The following ACADVL variants were observed in gnomAD, a reference collection of about 807,000 sequenced individuals.
ACADVL encodes the protein very long-chain acyl-CoA dehydrogenase, mitochondrial.
Under a neutral mutation model 80.4 loss-of-function variants are expected in ACADVL, and 73 were observed. The observed-to-expected ratio is 0.91, with a 90% confidence interval of 0.75 to 1.10. ACADVL has a LOEUF of 1.10. Among genes scored for constraint, ACADVL ranks in the 50% least tolerant of loss-of-function variants. The pLI is 0.00. For missense variants in ACADVL, 878 were observed against 858.9 expected, an observed-to-expected ratio of 1.02 and a Z score of -0.28; for synonymous variants, 392 against 326.5, an observed-to-expected ratio of 1.20 and a Z score of -2.16.
intron 9 of ACADVL, 164 bp downstream of exon 9, chr17:7,222,466 C>G (rs1341993415): frequency 3.9e-5 from 49 of 1,242,908 alleles, no homozygotes; most frequent in Non-Finnish European, 5.2e-5. Flanking sequence ...AAAGTTTTGG[C>G]TCCAGCAACC....
intron 10 of ACADVL, 46 bp downstream of exon 10, chr17:7,222,911 A>C: frequency 2.3e-4 from 369 of 1,591,964 alleles, no homozygotes; most frequent in Non-Finnish European, 2.9e-4. Flanking sequence ...CAGAAGTCTC[A>C]CTGTCCCCCT....
In ACADVL at chr17:7,224,002, G is replaced by GC. The variant is rs1175359422; in HGVS notation, c.1368dup (p.Ile457HisfsTer6). 7.4e-6 allele frequency: 12 copies of GC among 1,613,666 alleles called. No homozygotes were observed. The highest frequency in any genetic ancestry group is 1.0e-5 in the Non-Finnish European group (12 of 1,179,930). ...GTAGAGCGTGTGCTCCGAGATCTTC[G>GC]CATCTTCCGGATCTTTGAGGGGACA... On this transcript the variant is annotated frameshift_variant, in exon 14 of 20. Coordinates refer to ENST00000356839, the MANE Select transcript of ACADVL (RefSeq NM_000018.4). LOFTEE classifies it high-confidence loss of function.
intron 10 of ACADVL, 105 bp downstream of exon 10, chr17:7,222,970 C>T (rs2071303709): frequency 6.7e-7 from 1 of 1,486,538 alleles, no homozygotes; most frequent in East Asian, 2.3e-5. Flanking sequence ...CTAGAAACTC[C>T]TCCCCTACCA....
chr17:7,219,936 C>G, upstream of ACADVL: 1 of 1,578,412 alleles, frequency 6.3e-7, no homozygotes, highest in South Asian at 1.1e-5. Flanking sequence ...GTGCAGGACG[C>G]CAGAGCTGGG....
Position 7,225,263 on chromosome 17 carries a change from G to A in ACADVL, c.*166G>A, listed in dbSNP as rs2071422091. 2 of 920,348 alleles carry A rather than the reference G, an allele frequency of 2.2e-6. No individual in the cohort carries two copies. The highest frequency in any genetic ancestry group is 3.2e-5 in the South Asian group (2 of 62,372). The allele number at this position is 920,348 out of a possible 1,614,324, so 57.0% of individuals were successfully genotyped here. A position where few individuals can be genotyped will look rare whatever the true frequency, so the allele number is the denominator to read the frequency against. Reference sequence around the variant, plus strand: ...CGCAAATAATAAAAATTTCTAGCCAGTCATGCTTTGCTCCTGTGTGACGGT... The same window carrying A: ...CGCAAATAATAAAAATTTCTAGCCAATCATGCTTTGCTCCTGTGTGACGGT... On this transcript the variant is annotated 3_prime_UTR_variant, in exon 20 of 20. Transcript: ENST00000356839.
At chr17:7,221,200 C>G in intron 6 of ACADVL, 142 bp downstream of exon 6, 1 of 1,378,144 alleles carries the variant, frequency 7.3e-7, no homozygotes. Flanking sequence ...TGTTAACTGT[C>G]CAAACATAAC....
At position 7,223,209 on chromosome 17, in the gene ACADVL, G is replaced by T; in HGVS notation, c.1154G>T (p.Arg385Leu). 6.2e-7 allele frequency: 1 copy of T among 1,613,992 alleles called. No homozygotes were observed. The highest frequency in any genetic ancestry group is 8.5e-7 in the Non-Finnish European group (1 of 1,179,880). Residue 385 changes from arginine (R) to leucine (L), a missense_variant, in exon 11 of 20, where the codon CGG becomes CTG. Coordinates refer to ENST00000356839, the MANE Select transcript of ACADVL (RefSeq NM_000018.4). ...GGGCTGATCCAGGAGAAGCTGGCAC[G>T]GATGGTTATGCTGCAGTATGTAACT... Reference protein sequence around the residue: ...NFGLIQEKLARMVMLQYVTES... With the variant: ...NFGLIQEKLALMVMLQYVTES...
At position 7,220,905 on chromosome 17, in the gene ACADVL, G is replaced by A. The variant is rs2090623176; in HGVS notation, c.343-19G>A. 1 of 1,613,998 alleles carries A rather than the reference G, an allele frequency of 6.2e-7. No homozygotes were observed. The highest frequency in any genetic ancestry group is 1.7e-5 in the Admixed American group (1 of 60,012). On this transcript the variant is annotated intron_variant, in intron 5 of 19. Transcript: ENST00000356839. ...AAGCTCAAAAGGAGCCTGGATGTGG[G>A]ATCCTGTGCCTTCCCCAGGAAGTGA...
upstream of ACADVL, chr17:7,218,660 T>G (rs2071046752): frequency 6.4e-7 from 1 of 1,555,922 alleles, no homozygotes. Context: ...GCAAGGAGAA[T>G]TGGGACAGGG....
At position 7,223,193 on chromosome 17, in the gene ACADVL, C is replaced by T. The variant is rs781467053; in HGVS notation, c.1138C>T (p.Gln380Ter). The change falls in exon 11 of 20, where the codon CAG becomes TAG. Residue 380 changes from glutamine to a stop codon, truncating the protein, a stop_gained. Transcript: ENST00000356839. LOFTEE classifies it high-confidence loss of function. ...GEKIHNFGLI[Q>*]EKLARMVMLQ... ...GAAAATTCACAACTTTGGGCTGATC[C>T]AGGAGAAGCTGGCACGGATGGTTAT... The T allele has an allele frequency of 6.2e-7, 1 of 1,614,104 alleles. No homozygotes were observed. The highest frequency in any genetic ancestry group is 1.1e-5 in the South Asian group (1 of 91,076).
At position 7,224,358 on chromosome 17, in the gene ACADVL, C is replaced by G; in HGVS notation, c.1570C>G (p.Leu524Val). 1.2e-6 allele frequency: 2 copies of G among 1,613,910 alleles called. No homozygotes were observed. The highest frequency in any genetic ancestry group is 1.7e-6 in the Non-Finnish European group (2 of 1,179,984). ...GLGSGLSLSGLVHPELSRSGE... is the reference protein window; with the variant it reads ...GLGSGLSLSGVVHPELSRSGE... ...GGGCAGCGGCCTGAGTCTCAGCGGA[C>G]TTGTCCACCCGGAGTTGAGTCGGAG... The change falls in exon 16 of 20, where the codon CTT becomes GTT. Residue 524 changes from leucine to valine, a missense_variant. Coordinates refer to ENST00000356839, the MANE Select transcript of ACADVL (RefSeq NM_000018.4).
chr17:7,223,321 G>A (rs377743856), intron 11 of ACADVL, 84 bp downstream of exon 11: 5 of 1,275,490 alleles, frequency 3.9e-6, no homozygotes, highest in Admixed American at 1.7e-5. Flanking sequence ...GCAGCACCTG[G>A]GGCAGTGGGT....
At position 7,222,787 on chromosome 17, in the gene ACADVL, C is replaced by G. The variant is rs760659262; in HGVS notation, c.999C>G (p.Ala333=). The change falls in exon 10 of 20, where the codon GCC becomes GCG. Residue 333 remains alanine, a synonymous_variant. Transcript: ENST00000356839. ...AGGTTGGGAGTGGCTTCAAGGTTGC[C>G]ATGCACATCCTCAACAATGGAAGGT... is the stretch of plus-strand genomic sequence containing the variant. ...LGEVGSGFKV[A]MHILNNGRFG... is the part of the protein sequence containing the mutation. 8 of 1,614,042 alleles carry G rather than the reference C, an allele frequency of 5.0e-6. No individual in the cohort carries two copies. The highest frequency in any genetic ancestry group is 3.3e-5 in the Admixed American group (2 of 60,024).
chr17:7,225,150 C>T lies in ACADVL; in HGVS notation c.*53C>T, dbSNP rs535274747. 1,420 of 1,612,470 alleles carry T rather than the reference C, an allele frequency of 8.8e-4. 8 individuals carry two copies. The highest frequency in any genetic ancestry group is 4.8e-3 in the Middle Eastern group (28 of 5,866). ...TATGTGCCTTCCCTCAAGCCAAAGC[C>T]GAAGCCCCTTTCCTTAAGGCCCTGG... On this transcript the variant is annotated 3_prime_UTR_variant, in exon 20 of 20. Coordinates refer to ENST00000356839, the MANE Select transcript of ACADVL (RefSeq NM_000018.4).
intron 9 of ACADVL, 23 bp from the exon 10 acceptor site, chr17:7,222,644 T>C (rs2071285476): frequency 4.4e-6 from 7 of 1,604,720 alleles, no homozygotes; most frequent in Non-Finnish European, 6.0e-6. Context: ...ACACCTCTGC[T>C]TTCCCACACT....
At chr17:7,223,768 G>C in intron 12 of ACADVL, 38 bp downstream of exon 12, 2 of 1,614,072 alleles carry the variant, frequency 1.2e-6, no homozygotes, top group Non-Finnish European at 1.7e-6. Flanking sequence ...GTCCAGTTTG[G>C]GTGCTCAGCT....
chr17:7,221,104 T>C, intron 6 of ACADVL, 46 bp downstream of exon 6: 1 of 1,611,682 alleles, frequency 6.2e-7, no homozygotes, highest in Non-Finnish European at 8.5e-7. Context: ...TACCCCAGCT[T>C]GGCAGACTCA....
At position 7,222,740 on chromosome 17, in the gene ACADVL, C is replaced by T. The variant is rs762653370; in HGVS notation, c.952C>T (p.Pro318Ser). The T allele has an allele frequency of 8.1e-6, 13 of 1,613,978 alleles. No individual in the cohort carries two copies. The highest frequency in any genetic ancestry group is 1.1e-5 in the Non-Finnish European group (13 of 1,180,032). Reference sequence around the variant, plus strand: ...GGTGTTCTTTGATGGAGTACGGGTGCCATCGGAGAACGTGCTGGGTGAGGT... The same window carrying T: ...GGTGTTCTTTGATGGAGTACGGGTGTCATCGGAGAACGTGCTGGGTGAGGT... ...AEVFFDGVRV[P>S]SENVLGEVGS... Residue 318 changes from proline to serine, a missense_variant, in exon 10 of 20, where the codon CCA becomes TCA. Pro to Ser is a moderately conservative substitution (Grantham distance 74). Transcript: ENST00000356839.
chr17:7,217,951 A>C, upstream of ACADVL: 1 of 855,400 alleles, frequency 1.2e-6, no homozygotes, highest in South Asian at 1.6e-5. Context: ...GAAGGAGGCA[A>C]TCCCTGGGGG....
Sources: gnomAD v4.1 joint callset for allele counts on GRCh38, gnomAD v4.1.1 for gene constraint, MANE v1.5 for transcripts, NCBI Gene and HGNC (gene_info 2026-07-23, HGNC 2026-07-21) for gene names.